Variants in COPG2 observed in about 807,000 individuals in gnomAD.
COPG2 encodes the protein coat protein complex I subunit gamma 2.
In COPG2, 37 loss-of-function variants were observed where a neutral mutation model predicts 46.3. That is an observed-to-expected ratio of 0.80 (90% CI 0.61 to 1.05). The LOEUF is 1.05. COPG2 is among the 50% of genes least tolerant of loss of function. The pLI is 0.00. For missense variants in COPG2, 427 were observed against 387.8 expected (o/e 1.10, Z -0.85); for synonymous variants, 159 against 129.7 (o/e 1.23, Z -1.53).
At chr7:130,663,645 A>G (rs768649462) in intron 3 of COPG2, among the ~76,000 whole-genome samples, 2 of 151,728 alleles carry the variant, frequency 1.3e-5, no homozygotes, top group Non-Finnish European at 2.9e-5. Flanking sequence ...TTTAATGAGC[A>G]TGACAATTCA....
chr7:130,556,549 T>C (rs1164802211), intron 12 of COPG2, among the ~76,000 whole-genome samples: 1 of 152,184 alleles, frequency 6.6e-6, no homozygotes, highest in Non-Finnish European at 1.5e-5. Flanking sequence ...TATGAAGCAA[T>C]GATACTTAAG....
Position 130,508,684 on chromosome 7 carries a change from G to C in COPG2, c.2150-25C>G, listed in dbSNP as rs758840259. 3.2e-5 allele frequency: 24 copies of C among 740,996 alleles called. 1 individual carries two copies. The South Asian group carries it at 3.5e-4, about 11-fold the overall frequency. The allele number at this position is 740,996 out of a possible 1,614,324, so 45.9% of individuals were successfully genotyped here. A position where few individuals can be genotyped will look rare whatever the true frequency, so the allele number is the denominator to read the frequency against. ...ACTGGAGGAGAAGGGAGGCAAACCT[G>C]CATCAGTGGGGAGTGCAAGGGAGAC... On this transcript the variant is annotated intron_variant, in intron 20 of 23. Transcript: ENST00000425248.
Position 130,565,765 on chromosome 7 carries a change from T to C in COPG2, c.738-1372A>G, listed in dbSNP as rs943245535. On this transcript the variant is annotated intron_variant, in intron 9 of 23. Coordinates refer to ENST00000425248, the MANE Select transcript of COPG2 (RefSeq NM_012133.6). Reference sequence around the variant, plus strand: ...TGATTTTTTTTTTTAAGAAACCAAATAGAAATTCTAGATTTGCAAAGTGCA... The same window carrying C: ...TGATTTTTTTTTTTAAGAAACCAAACAGAAATTCTAGATTTGCAAAGTGCA... Among the ~76,000 whole-genome samples, 402 of 151,744 alleles carry C rather than the reference T, an allele frequency of 2.6e-3. 1 individual carries two copies. Among genetic ancestry groups the C allele is most frequent in the African/African-American group, 9.3e-3 (384 of 41,434 alleles).
chr7:130,659,356 A>AAAAAAAAAACAAAC lies in COPG2; in HGVS notation c.243+3610_243+3611insGTTTGTTTTTTTTT, dbSNP rs1554460338. ...GGCGACAGAGCAAGACTCCGTCTCA[A>AAAAAAAAAACAAAC]AAAAAAAAAAAACGAACAAACAAGC... On this transcript the variant is annotated intron_variant, in intron 4 of 23. Coordinates refer to ENST00000425248, the MANE Select transcript of COPG2 (RefSeq NM_012133.6). Among the ~76,000 whole-genome samples, 1,270 of 147,278 alleles carry AAAAAAAAAACAAAC rather than the reference A, an allele frequency of 8.6e-3. 112 individuals are homozygous for AAAAAAAAAACAAAC. Among genetic ancestry groups the AAAAAAAAAACAAAC allele is most frequent in the African/African-American group, 0.03 (1,196 of 39,564 alleles).
intron 5 of COPG2, among the ~76,000 whole-genome samples, chr7:130,629,185 G>A (rs570492260): frequency 6.6e-6 from 1 of 150,926 alleles, no homozygotes; most frequent in Admixed American, 6.6e-5. Context: ...GTCCTTTTTT[G>A]GGGGGGGTAC....
chr7:130,615,678 T>C (rs1794938526), intron 6 of COPG2, among the ~76,000 whole-genome samples: 1 of 152,234 alleles, frequency 6.6e-6, no homozygotes. Flanking sequence ...AGATTGGAGA[T>C]TGCTTTCTTG....
intron 7 of COPG2, among the ~76,000 whole-genome samples, chr7:130,612,890 C>G (rs564987461): frequency 6.6e-6 from 1 of 152,082 alleles, no homozygotes. Flanking sequence ...GTCATAAAGG[C>G]AGGTCATAAA....
chr7:130,509,485 G>A (rs12706943), intron 20 of COPG2, among the ~76,000 whole-genome samples: 66,088 of 151,994 alleles, frequency 0.43, 17,057 homozygotes, highest in East Asian at 0.6. Flanking sequence ...GAGTTAAAAA[G>A]TTATTTGGGG....
chr7:130,651,690 G>A (rs901198256), intron 5 of COPG2, among the ~76,000 whole-genome samples: 2 of 150,518 alleles, frequency 1.3e-5, no homozygotes, highest in African/African-American at 4.9e-5. Context: ...CTAATTTTTT[G>A]TATTTTTAGT....
chr7:130,510,590 CTG>C (rs2116329160), intron 20 of COPG2, among the ~76,000 whole-genome samples: 1 of 152,232 alleles, frequency 6.6e-6, no homozygotes, highest in Non-Finnish European at 1.5e-5. Context: ...AGATCACAGA[CTG>C]GGCACAGGGG....
chr7:130,537,062 G>A (rs1346331883), intron 20 of COPG2, among the ~76,000 whole-genome samples: 1 of 152,110 alleles, frequency 6.6e-6, no homozygotes, highest in Non-Finnish European at 1.5e-5. Context: ...CAGGGCAGGA[G>A]AGTCAGGTTG....
intron 5 of COPG2, among the ~76,000 whole-genome samples, chr7:130,618,648 A>G (rs564840770): frequency 3.0e-4 from 45 of 152,300 alleles, no homozygotes; most frequent in African/African-American, 9.4e-4. Context: ...TAAGGTTTTC[A>G]TAAGTATTAA....
At chr7:130,566,169 T>G (rs2116408733) in intron 9 of COPG2, among the ~76,000 whole-genome samples, 1 of 152,362 alleles carries the variant, frequency 6.6e-6, no homozygotes, top group Admixed American at 6.5e-5. Context: ...GTTGAAAGCA[T>G]AAAAATAGTC....
chr7:130,639,196 C>T (rs1795411488), intron 5 of COPG2, among the ~76,000 whole-genome samples: 1 of 152,206 alleles, frequency 6.6e-6, no homozygotes, highest in Admixed American at 6.5e-5. Context: ...AGCCACACCT[C>T]CACGTCTGAG....
chr7:130,620,188 C>T (rs1458408012), intron 5 of COPG2, among the ~76,000 whole-genome samples: 1 of 152,194 alleles, frequency 6.6e-6, no homozygotes, highest in South Asian at 2.1e-4. Flanking sequence ...TATTAAATTG[C>T]TTAAATTTTT....
intron 9 of COPG2, among the ~76,000 whole-genome samples, chr7:130,605,507 C>T (rs1486067948): frequency 6.6e-6 from 1 of 152,188 alleles, no homozygotes; most frequent in Non-Finnish European, 1.5e-5. Context: ...CAGAGAGATT[C>T]AAAGTGCAGC....
chr7:130,649,956 G>C (rs187203888), intron 5 of COPG2, among the ~76,000 whole-genome samples: 2 of 152,284 alleles, frequency 1.3e-5, no homozygotes, highest in African/African-American at 2.4e-5. Flanking sequence ...ATAAAAGTTA[G>C]AAGTCCAACA....
intron 4 of COPG2, among the ~76,000 whole-genome samples, chr7:130,661,895 C>T (rs1795987821): frequency 6.6e-6 from 1 of 152,184 alleles, no homozygotes; most frequent in South Asian, 2.1e-4. Context: ...AGCCTTATAT[C>T]ATGTGGCTAC....
Position 130,611,025 on chromosome 7 carries a change from C to A in COPG2, c.665G>T (p.Gly222Val), listed in dbSNP as rs1185781031. 18 of 1,613,678 alleles carry A rather than the reference C, an allele frequency of 1.1e-5. No homozygotes were observed. Among genetic ancestry groups the A allele is most frequent in the Non-Finnish European group, 1.5e-5 (18 of 1,179,840 alleles). Residue 222 changes from glycine to valine, a missense_variant, in exon 9 of 24, where the codon GGT (glycine) becomes GTT (valine). Physicochemically the swap from Gly to Val is moderately radical, Grantham distance 109 (BLOSUM62 -3). Transcript: ENST00000425248. ...GCAGTAAGCAAACTGTGACTTGAGA[C>A]CAGATTTAGTAAACTTATTCAACAT... is the stretch of plus-strand genomic sequence containing the variant. ...SKMLNKFTKS[G>V]LKSQFAYCML...
Sources: gnomAD v4.1 joint callset for allele counts (sites outside exome capture counted in the v4.1 genomes callset) on GRCh38, gnomAD v4.1.1 for gene constraint, MANE v1.5 for transcripts, NCBI Gene and HGNC (gene_info 2026-07-23, HGNC 2026-07-21) for gene names.